TRMT9B: variants seen among roughly 807,000 people sequenced by gnomAD.
The protein encoded by TRMT9B is tRNA methyltransferase 9B (putative), also known as probable tRNA methyltransferase 9B.
In TRMT9B, 16 loss-of-function variants were observed where a neutral mutation model predicts 11.5. The ratio of observed to expected loss-of-function variants is 1.39; its 90% CI spans 0.94 to 2.11. The LOEUF (loss-of-function observed/expected upper bound fraction) is 2.11, where lower values mean the gene tolerates loss of function less well. Ranked by LOEUF, TRMT9B falls within the 30% of genes most tolerant of loss-of-function variation. The pLI, the probability that TRMT9B is intolerant of heterozygous loss-of-function variation, is 0.00. For missense variants in TRMT9B, 941 were observed against 553.8 expected (o/e 1.70, Z -7.02); for synonymous variants, 274 against 192.4 (o/e 1.42, Z -3.51).
intron 3 of TRMT9B, chr8:13,007,759 A>G (rs1211553482): frequency 6.6e-6 from 1 of 152,190 alleles, no homozygotes; most frequent in Non-Finnish European, 1.5e-5. Flanking sequence ...TATTCAGTAA[A>G]TGGCTTTGGG....
In TRMT9B at chr8:13,006,325, G is replaced by A. The variant is rs1179708735; in HGVS notation, c.123G>A (p.Glu41=). ...CTCGTGTCCGCCAGTTCCTGCAAGA[G>A]CAGAAGCCAGGCAGCCTCATCGCTG... ...AWPRVRQFLQ[E]QKPGSLIADI... The change falls in exon 3 of 5, where the codon GAG becomes GAA. Residue 41 remains glutamate, a synonymous_variant. Transcript: ENST00000524591. The A allele has an allele frequency of 6.2e-7, 1 of 1,613,210 alleles. No homozygotes were observed. Among genetic ancestry groups the A allele is most frequent in the Non-Finnish European group, 8.5e-7 (1 of 1,179,876 alleles).
intron 1 of TRMT9B, chr8:12,958,744 C>T (rs1801640645): frequency 6.6e-6 from 1 of 152,140 alleles, no homozygotes; most frequent in Non-Finnish European, 1.5e-5. Flanking sequence ...GACATATACA[C>T]CATGGAATAC....
rs968142404 is a variant in TRMT9B, at chr8:13,012,813, T to C, written c.284T>C (p.Leu95Pro). 2 of 1,613,794 alleles carry C rather than the reference T, an allele frequency of 1.2e-6. No homozygotes were observed. Among genetic ancestry groups the C allele is most frequent in the Non-Finnish European group, 1.7e-6 (2 of 1,179,878 alleles). Residue 95 changes from leucine (L) to proline (P), a missense_variant, in exon 4 of 5, where the codon CTC (leucine) becomes CCC (proline). Transcript: ENST00000524591. ...CEAMVCDNLN[L>P]PFRDEGFDAI... ...GCCATGGTATGTGACAACCTTAATC[T>C]CCCCTTTAGGGATGAGGGCTTCGAT...
intron 2 of TRMT9B, among the ~76,000 whole-genome samples, chr8:13,000,953 G>A (rs1341384458): frequency 6.6e-6 from 1 of 152,148 alleles, no homozygotes; most frequent in East Asian, 1.9e-4. Flanking sequence ...AAATGAACAG[G>A]TTTCTTGGAG....
intron 3 of TRMT9B, chr8:13,011,367 A>C (rs1010023977): frequency 1.0e-6 from 1 of 985,150 alleles, no homozygotes; most frequent in Non-Finnish European, 1.2e-6. Context: ...ACTGTATCAT[A>C]ATTTTGAAAG....
Position 12,990,829 on chromosome 8 carries a change from G to A in TRMT9B, c.-199-5G>A, listed in dbSNP as rs1210405524. 7.8e-7 allele frequency: 1 copy of A among 1,288,352 alleles called. No homozygotes were observed. The highest frequency in any genetic ancestry group is 1.5e-5 in the African/African-American group (1 of 65,940). 79.8% of individuals were successfully genotyped at this position (1,288,352 alleles called of 1,614,324 possible). ...GACATTTAGTATTTGTTTTCTTCCT[G>A]ATAGGGCCTGTGCTTCCTTCAGAGA... On this transcript the variant is annotated splice_region_variant and splice_polypyrimidine_tract_variant and intron_variant, in intron 1 of 4. Coordinates refer to ENST00000524591, the MANE Select transcript of TRMT9B (RefSeq NM_020844.3).
At chr8:13,009,770 C>G (rs1380989926) in intron 3 of TRMT9B, among the ~76,000 whole-genome samples, 1 of 152,146 alleles carries the variant, frequency 6.6e-6, no homozygotes, top group Non-Finnish European at 1.5e-5. Context: ...GCCTAGCATT[C>G]TATGCTAATA....
intron 1 of TRMT9B, among the ~76,000 whole-genome samples, chr8:12,959,401 C>T (rs1377435039): frequency 1.3e-5 from 2 of 151,214 alleles, no homozygotes; most frequent in African/African-American, 2.4e-5. Flanking sequence ...GTATATAAAT[C>T]ATAAATGTAT....
chr8:12,959,453 C>A (rs557694742), intron 1 of TRMT9B, among the ~76,000 whole-genome samples: 75 of 149,888 alleles, frequency 5.0e-4, no homozygotes, highest in African/African-American at 1.8e-3. Flanking sequence ...ACTGGAAACA[C>A]TTCTGGTCCC....
intron 4 of TRMT9B, among the ~76,000 whole-genome samples, chr8:13,017,570 C>T (rs1812956093): frequency 1.3e-5 from 2 of 148,982 alleles, no homozygotes; most frequent in Non-Finnish European, 3.0e-5. Flanking sequence ...TATGCGTATG[C>T]ATGTCTAATA....
intron 2 of TRMT9B, among the ~76,000 whole-genome samples, chr8:12,997,451 T>C (rs1808567583): frequency 6.6e-6 from 1 of 152,154 alleles, no homozygotes; most frequent in African/African-American, 2.4e-5. Context: ...TTGTACAGCC[T>C]GTAGAACCAT....
intron 1 of TRMT9B, chr8:12,952,749 T>G (rs1800791998): frequency 2.2e-6 from 2 of 915,454 alleles, no homozygotes; most frequent in African/African-American, 1.8e-5. Context: ...GGGTTTTTTT[T>G]GTTGTTGTTT....
intron 3 of TRMT9B, chr8:13,012,123 C>A (rs1563426299): frequency 1.0e-6 from 1 of 985,494 alleles, no homozygotes; most frequent in African/African-American, 1.7e-5. Flanking sequence ...GTACTGAGCC[C>A]TGTGGACATC....
Position 13,022,137 on chromosome 8 carries a change from G to C in TRMT9B, c.*93G>C, listed in dbSNP as rs1189985664. On this transcript the variant is annotated 3_prime_UTR_variant, in exon 5 of 5. Transcript: ENST00000524591. ...CCTGAATTTGCATTCAGTGTTATTT[G>C]TTAATCCATTTACGCTTTGGTCTGC... The C allele has an allele frequency of 1.1e-6, 1 of 925,034 alleles. No individual in the cohort carries two copies. Among genetic ancestry groups the C allele is most frequent in the Non-Finnish European group, 1.6e-6 (1 of 620,514 alleles). 57.3% of individuals were successfully genotyped at this position (925,034 alleles called of 1,614,324 possible).
intron 2 of TRMT9B, among the ~76,000 whole-genome samples, chr8:12,997,732 G>A (rs1808621692): frequency 6.6e-6 from 1 of 152,160 alleles, no homozygotes; most frequent in Non-Finnish European, 1.5e-5. Flanking sequence ...GAATATGGGT[G>A]TCCATTTCTT....
intron 1 of TRMT9B, among the ~76,000 whole-genome samples, chr8:12,958,983 A>G (rs1235316362): frequency 6.6e-6 from 1 of 152,162 alleles, no homozygotes; most frequent in African/African-American, 2.4e-5. Context: ...TAGGAGAAAT[A>G]TCTAATGTAA....
At chr8:13,017,963 T>C (rs1374432313) in intron 4 of TRMT9B, among the ~76,000 whole-genome samples, 1 of 151,972 alleles carries the variant, frequency 6.6e-6, no homozygotes, top group Non-Finnish European at 1.5e-5. Flanking sequence ...TAAAGGCTGT[T>C]ACTTATTACA....
At chr8:13,020,003 C>T (rs1167031637) in intron 4 of TRMT9B, among the ~76,000 whole-genome samples, 1 of 152,124 alleles carries the variant, frequency 6.6e-6, no homozygotes, top group African/African-American at 2.4e-5. Flanking sequence ...AGTGATATTT[C>T]TTTACTAGTT....
intron 4 of TRMT9B, among the ~76,000 whole-genome samples, chr8:13,014,322 C>G (rs1219001487): frequency 6.6e-6 from 1 of 152,226 alleles, no homozygotes; most frequent in East Asian, 1.9e-4. Flanking sequence ...GCTTAAACAA[C>G]AGACATTTAT....
Sources: gnomAD v4.1 joint callset for allele counts (sites outside exome capture counted in the v4.1 genomes callset) on GRCh38, gnomAD v4.1.1 for gene constraint, MANE v1.5 for transcripts, NCBI Gene and HGNC (gene_info 2026-07-23, HGNC 2026-07-21) for gene names.